ZNF219: variants seen among roughly 807,000 people sequenced by gnomAD.
ZNF219 encodes zinc finger protein 219.
A neutral mutation model predicts 54.4 loss-of-function variants in ZNF219; 17 were observed. That is an observed-to-expected ratio of 0.31 (90% CI 0.21 to 0.47). The LOEUF (loss-of-function observed/expected upper bound fraction) is 0.47. Among genes scored for constraint, ZNF219 ranks in the 20% least tolerant of loss-of-function variants. The probability of loss-of-function intolerance (pLI) is 1.00; values close to 1 mark genes in which losing one functional copy is unlikely to be tolerated. For synonymous variants in ZNF219, 518 were observed against 476.4 expected (o/e 1.09, Z -1.14); for missense variants, 1,014 against 1,062.3 (o/e 0.95, Z 0.63).
In ZNF219 at chr14:21,098,581, C is replaced by G; in HGVS notation, c.-353G>C. 2 of 995,364 alleles carry G rather than the reference C, an allele frequency of 2.0e-6. No homozygotes were observed. The highest frequency in any genetic ancestry group is 5.2e-4 in the Middle Eastern group (1 of 1,926). The allele number at this position is 995,364 out of a possible 1,614,324, so 61.7% of individuals were successfully genotyped here. A position where few individuals can be genotyped will look rare whatever the true frequency, so the allele number is the denominator to read the frequency against. The stretch of plus-strand genomic sequence containing the variant: ...CCGCGCGGGAGCCGGGCTCTGGCTC[C>G]GGGGACAGGGAGCTGGGGACCCCGG... On this transcript the variant is annotated 5_prime_UTR_variant, in exon 1 of 5. Transcript: ENST00000360947.
chr14:21,102,455 A>T, upstream of ZNF219: 2 of 1,551,572 alleles, frequency 1.3e-6, no homozygotes, highest in Non-Finnish European at 1.7e-6. Context: ...TGGGTTTCAT[A>T]GTGGTGGTGG....
In ZNF219 at chr14:21,093,105, C is replaced by T; in HGVS notation, c.192G>A (p.Lys64=). Residue 64 remains lysine, a synonymous_variant, in exon 3 of 5, where the codon AAG becomes AAA. Coordinates refer to ENST00000360947, the MANE Select transcript of ZNF219 (RefSeq NM_016423.3). The part of the protein sequence containing the change: ...ERRFPCPVCG[K]RFRFNSILAL... ...CAAGGATAGAGTTGAAGCGGAAGCG[C>T]TTCCCGCATACAGGGCAGGGGAAGC... The T allele has an allele frequency of 6.2e-7, 1 of 1,608,118 alleles. No homozygotes were observed. The highest frequency in any genetic ancestry group is 2.2e-5 in the East Asian group (1 of 44,752).
rs1889448685 is a variant in ZNF219 at position 21,098,540 on chromosome 14, G to C, written c.-312C>G. On this transcript the variant is annotated 5_prime_UTR_variant, in exon 1 of 5. Transcript: ENST00000360947. ...CGGCCATTAGCATGCGGGGGGCGGC[G>C]CGGCGGGGCTGGGAGCCGCGCGGGA... 5.1e-6 allele frequency: 5 copies of C among 986,526 alleles called. No individual in the cohort carries two copies. Among genetic ancestry groups the C allele is most frequent in the Non-Finnish European group, 6.0e-6 (5 of 830,900 alleles). The allele number at this position is 986,526 out of a possible 1,614,324, so 61.1% of individuals were successfully genotyped here.
upstream of ZNF219, chr14:21,101,730 C>G (rs980811772): frequency 2.8e-6 from 2 of 714,216 alleles, no homozygotes; most frequent in Admixed American, 5.8e-5. Context: ...TTAATGATCA[C>G]GTCCTTGCTC....
chr14:21,103,371 G>A (rs962984615), upstream of ZNF219: 82 of 1,445,296 alleles, frequency 5.7e-5, no homozygotes, highest in Middle Eastern at 1.0e-3. Flanking sequence ...ACTCAAAGCA[G>A]GCCCTTTTTT....
chr14:21,102,343 GT>G, upstream of ZNF219: 3 of 1,528,346 alleles, frequency 2.0e-6, no homozygotes, highest in Non-Finnish European at 2.7e-6. Context: ...TAGGCTGCAA[GT>G]GGGGATTGAG....
upstream of ZNF219, chr14:21,102,338 T>G (rs769855689): frequency 1.0e-4 from 159 of 1,524,954 alleles, no homozygotes; most frequent in Middle Eastern, 1.8e-4. Flanking sequence ...TCAGCTAGGC[T>G]GCAAGTGGGG....
At chr14:21,097,343 C>CATGGGGGGG (rs1000630471) in intron 1 of ZNF219, 39 of 152,398 alleles carry the variant, frequency 2.6e-4, no homozygotes, top group African/African-American at 8.7e-4. Context: ...GCCATCCCAC[C>CATGGGGGGG]ATGGGGAATC....
Position 21,093,569 on chromosome 14 carries a change from G to A in ZNF219, c.6+17C>T. On this transcript the variant is annotated intron_variant, in intron 2 of 4. Coordinates refer to ENST00000360947, the MANE Select transcript of ZNF219 (RefSeq NM_016423.3). ...CAGTTGTAGGTACTTGTAGGTTGAA[G>A]CCAGAGCTTCACTCACCTCCATGGA... The A allele has an allele frequency of 6.2e-7, 1 of 1,613,298 alleles. No homozygotes were observed. Among genetic ancestry groups the A allele is most frequent in the Non-Finnish European group, 8.5e-7 (1 of 1,179,244 alleles).
intron 1 of ZNF219, among the ~76,000 whole-genome samples, chr14:21,096,701 T>C (rs1889293810): frequency 6.6e-6 from 1 of 152,202 alleles, no homozygotes; most frequent in African/African-American, 2.4e-5. Flanking sequence ...TCAAAAGCAG[T>C]AGGCCAATTA....
intron 2 of ZNF219, 24 bp downstream of exon 2, chr14:21,093,562 G>C (rs753567771): frequency 1.9e-6 from 3 of 1,611,204 alleles, no homozygotes; most frequent in Admixed American, 3.3e-5. Flanking sequence ...GGTACTTGTA[G>C]GTTGAAGCCA....
rs1888952813 is a variant in ZNF219 at position 21,092,121 on chromosome 14, G to A, written c.1176C>T (p.Asn392=). ...CGGGACCGGGCTCAGCACCCTCGCC[G>A]TTGGGCCGGCCCTCGCCAGCTCGCA... ...LSLRAGEGRP[N]GEGAEPGPGR... The change falls in exon 3 of 5, where the codon AAC becomes AAT. Residue 392 remains asparagine, a synonymous_variant. Transcript: ENST00000360947. 2 of 1,520,230 alleles carry A rather than the reference G, an allele frequency of 1.3e-6. No individual in the cohort carries two copies. Among genetic ancestry groups the A allele is most frequent in the African/African-American group, 1.4e-5 (1 of 70,988 alleles). The allele number at this position is 1,520,230 out of a possible 1,614,324, so 94.2% of individuals were successfully genotyped here.
chr14:21,091,281 C>T lies in ZNF219; in HGVS notation c.1564+130G>A, dbSNP rs369129538. 76 of 1,507,656 alleles carry T rather than the reference C, an allele frequency of 5.0e-5. 2 individuals carry two copies. The African/African-American group carries it at 9.3e-4, about 19-fold the overall frequency. The allele number at this position is 1,507,656 out of a possible 1,614,324, so 93.4% of individuals were successfully genotyped here. ...CACCCACTTTGATTTAATAAAGGAG[C>T]GTTTCCCAAGTGATCTCATCCAGCC... is the stretch of plus-strand genomic sequence containing the variant. On this transcript the variant is annotated intron_variant, in intron 4 of 4. Transcript: ENST00000360947.
Position 21,092,315 on chromosome 14 carries a change from G to A in ZNF219, c.982C>T (p.Leu328=). ...KNHMKVHASK[L]GPLRAPGPAS... ...GGCCCCGGGGCACGCAGTGGGCCCA[G>A]CTTGCTGGCGTGCACCTTCATGTGG... The change falls in exon 3 of 5, where the codon CTG becomes TTG. Residue 328 remains leucine (L), a synonymous_variant. Transcript: ENST00000360947. The A allele has an allele frequency of 6.4e-7, 1 of 1,552,426 alleles. No individual in the cohort carries two copies. Among genetic ancestry groups the A allele is most frequent in the South Asian group, 1.2e-5 (1 of 84,732 alleles).
chr14:21,102,124 A>G, upstream of ZNF219: 2 of 1,550,482 alleles, frequency 1.3e-6, no homozygotes, highest in Non-Finnish European at 1.7e-6. Flanking sequence ...TTGGAAGGTG[A>G]GAGGGAAGAA....
chr14:21,091,326 A>C, intron 4 of ZNF219, 85 bp downstream of exon 4: 3 of 1,532,758 alleles, frequency 2.0e-6, no homozygotes, highest in Non-Finnish European at 2.6e-6. Context: ...GCTTCGGAAC[A>C]AACTTCACCT....
At chr14:21,091,163 G>T in intron 4 of ZNF219, 23 bp from the exon 5 acceptor site, 1 of 1,585,842 alleles carries the variant, frequency 6.3e-7, no homozygotes, top group South Asian at 1.1e-5. Context: ...GGTGCGATAG[G>T]GTCACGGGGT....
At chr14:21,102,817 C>T, upstream of ZNF219, 2 of 1,538,950 alleles carry the variant, frequency 1.3e-6, no homozygotes, top group Non-Finnish European at 1.7e-6. Flanking sequence ...TAGCTAGCTG[C>T]CAACTAATTT....
chr14:21,099,590 C>A (rs151106298), upstream of ZNF219, among the ~76,000 whole-genome samples: 9 of 152,320 alleles, frequency 5.9e-5, no homozygotes, highest in African/African-American at 2.2e-4. Flanking sequence ...ACCCTGCCTC[C>A]CTCCTCGTAC....
Sources: gnomAD v4.1 joint callset for allele counts (sites outside exome capture counted in the v4.1 genomes callset) on GRCh38, gnomAD v4.1.1 for gene constraint, MANE v1.5 for transcripts, NCBI Gene and HGNC (gene_info 2026-07-23, HGNC 2026-07-21) for gene names.